DACH2: variants seen among roughly 807,000 people sequenced by gnomAD.
DACH2 encodes the protein dachshund family transcription factor 2.
A neutral mutation model predicts 35.8 loss-of-function variants in DACH2; 17 were observed. The observed-to-expected ratio is 0.48, with a 90% confidence interval of 0.33 to 0.71. DACH2 has a LOEUF of 0.71. DACH2 is among the 30% of genes least tolerant of loss of function. The pLI, the probability that DACH2 is intolerant of heterozygous loss-of-function variation, is 0.02. For missense variants in DACH2, 469 were observed against 472.7 expected, an observed-to-expected ratio of 0.99 and a Z score of 0.07; for synonymous variants, 195 against 177.3, an observed-to-expected ratio of 1.10 and a Z score of -0.79.
At chrX:86,176,033 G>T (rs1444132109) in intron 1 of DACH2, among the ~76,000 whole-genome samples, 1 of 111,715 alleles carries the variant, frequency 9.0e-6, no homozygotes, top group Non-Finnish European at 1.9e-5. Context: ...ACCACGTAAA[G>T]CTGTGTCAGT....
chrX:86,675,775 A>G (rs750050179), intron 4 of DACH2, among the ~76,000 whole-genome samples: 24 of 111,587 alleles, frequency 2.2e-4, no homozygotes, highest in Non-Finnish European at 4.1e-4. Flanking sequence ...ACTTAAAAGT[A>G]TACAATTTGT....
Position 86,341,466 on chromosome X carries a change from A to G in DACH2, c.489-35358A>G, listed in dbSNP as rs2035411173. 3.6e-5 allele frequency among the ~76,000 whole-genome samples: 4 copies of G among 112,264 alleles called. No individual in the cohort carries two copies. In the South Asian group the frequency reaches 1.5e-3, roughly 41 times the overall value. ...TTCAGGAAAAAAAAGGATTTCTTTC[A>G]ATATATTACTGTTCATTGACAAAGC... On this transcript the variant is annotated intron_variant, in intron 1 of 11. Transcript: ENST00000373125.
At chrX:86,437,952 G>A (rs929793248) in intron 2 of DACH2, among the ~76,000 whole-genome samples, 2 of 109,440 alleles carry the variant, frequency 1.8e-5, no homozygotes, top group African/African-American at 3.3e-5. Flanking sequence ...TGTCCTGGGG[G>A]TTTGTTGTAC....
rs1013420236 is a variant in DACH2 at position 86,651,167 on chromosome X, G to A, written c.772G>A (p.Gly258Ser). 1 of 1,203,432 alleles carries A rather than the reference G, an allele frequency of 8.3e-7. No homozygotes were observed. Among genetic ancestry groups the A allele is most frequent in the Non-Finnish European group, 1.1e-6 (1 of 892,562 alleles). The change falls in exon 4 of 12, where the codon GGT becomes AGT. Residue 258 changes from glycine (G) to serine (S), a missense_variant and splice_region_variant. Physicochemically the swap from Gly to Ser is moderately conservative, Grantham distance 56 (BLOSUM62 0). Around this residue, in one of 3 missense-constraint regions of DACH2, gnomAD observed 363 missense variants for 334.4 expected, o/e 1.09. Transcript: ENST00000373125. ...SEPDDLNSNT[G>S]GSESSWDKDK... The stretch of plus-strand genomic sequence containing the variant: ...GCCTGATGATCTTAATTCTAACACA[G>A]GTGAGTGTCTTCCAGAATCCCAGAC...
rs758548838 is a variant in DACH2, at chrX:86,376,467, C to T, written c.489-357C>T. On this transcript the variant is annotated intron_variant, in intron 1 of 11. Transcript: ENST00000373125. ...TTGCTGAATTTTTTTGGAATTGTTA[C>T]GACCCAAGGCCACTTTCTTCAACAG... Among the ~76,000 whole-genome samples, 13 of 110,305 alleles carry T rather than the reference C, an allele frequency of 1.2e-4. No individual in the cohort carries two copies. In the Admixed American group the frequency reaches 1.3e-3, roughly 11 times the overall value.
intron 3 of DACH2, among the ~76,000 whole-genome samples, chrX:86,638,954 C>A (rs928627647): frequency 2.7e-5 from 3 of 111,918 alleles, no homozygotes; most frequent in African/African-American, 9.8e-5. Context: ...AATATACCTA[C>A]ACTTATATGT....
chrX:86,573,790 G>C (rs984784633), intron 3 of DACH2, among the ~76,000 whole-genome samples: 1 of 111,424 alleles, frequency 9.0e-6, no homozygotes, highest in African/African-American at 3.3e-5. Context: ...CTGTCCAACT[G>C]TATGTCCTCA....
rs778014817 is a variant in DACH2 at position 86,604,966 on chromosome X, A to C, written c.641-46070A>C. Among the ~76,000 whole-genome samples the C allele has an allele frequency of 3.6e-3, 402 of 111,920 alleles. 1 individual carries two copies. Among genetic ancestry groups the C allele is most frequent in the Non-Finnish European group, 5.7e-3 (304 of 53,014 alleles). ...GCTCACAACCAGACAAAAGGATGGAATCTCAGTCCTATAGGTGATAAAAAC... is the reference window on the plus strand; with the variant it reads ...GCTCACAACCAGACAAAAGGATGGACTCTCAGTCCTATAGGTGATAAAAAC... On this transcript the variant is annotated intron_variant, in intron 3 of 11. Coordinates refer to ENST00000373125, the MANE Select transcript of DACH2 (RefSeq NM_053281.3).
At chrX:86,629,433 C>T (rs754727030) in intron 3 of DACH2, among the ~76,000 whole-genome samples, 1 of 111,306 alleles carries the variant, frequency 9.0e-6, no homozygotes, top group East Asian at 2.8e-4. Context: ...CACCCTAGGG[C>T]AGAGTGCAAC....
chrX:86,535,957 G>A (rs954900664), intron 3 of DACH2, among the ~76,000 whole-genome samples: 10 of 111,031 alleles, frequency 9.0e-5, no homozygotes, highest in African/African-American at 2.6e-4. Flanking sequence ...GCAGCGGCAC[G>A]GCAAAGGAGA....
chrX:86,693,283 G>A (rs777202677), intron 4 of DACH2, among the ~76,000 whole-genome samples: 1 of 112,128 alleles, frequency 8.9e-6, no homozygotes, highest in African/African-American at 3.2e-5. Context: ...ACCCCAACAA[G>A]TAACTGCTAA....
intron 1 of DACH2, among the ~76,000 whole-genome samples, chrX:86,220,641 C>G (rs1455186534): frequency 8.9e-6 from 1 of 111,918 alleles, no homozygotes; most frequent in Non-Finnish European, 1.9e-5. Context: ...TTTGGGTTGT[C>G]TTCGTGTTTT....
intron 2 of DACH2, among the ~76,000 whole-genome samples, chrX:86,385,962 T>C (rs1017648936): frequency 3.6e-5 from 4 of 111,755 alleles, no homozygotes; most frequent in South Asian, 7.4e-4. Context: ...CCGTAGCCAG[T>C]TTCCTCTGTT....
intron 7 of DACH2, among the ~76,000 whole-genome samples, chrX:86,763,691 A>T (rs1370346391): frequency 9.0e-6 from 1 of 111,263 alleles, no homozygotes; most frequent in African/African-American, 3.3e-5. Context: ...TGACCTCGTG[A>T]TCCACCTGCC....
In DACH2 at chrX:86,318,038, C is replaced by T. The variant is rs180738988; in HGVS notation, c.489-58786C>T. Among the ~76,000 whole-genome samples the T allele has an allele frequency of 2.5e-3, 276 of 111,974 alleles. 3 individuals carry two copies. Among genetic ancestry groups the T allele is most frequent in the African/African-American group, 7.5e-3 (232 of 30,841 alleles). On this transcript the variant is annotated intron_variant, in intron 1 of 11. Transcript: ENST00000373125. Reference sequence around the variant, plus strand: ...TTTCCAATTGTGTCCTGTTGCAAAACGAAATGGATTCTTATTGCACTGATG... The same window carrying T: ...TTTCCAATTGTGTCCTGTTGCAAAATGAAATGGATTCTTATTGCACTGATG...
chrX:86,162,162 G>A (rs1351533137), intron 1 of DACH2, among the ~76,000 whole-genome samples: 2 of 107,807 alleles, frequency 1.9e-5, no homozygotes, highest in Non-Finnish European at 3.8e-5. Context: ...CCTTTTTTTT[G>A]AGGTCTTTCT....
intron 3 of DACH2, among the ~76,000 whole-genome samples, chrX:86,599,913 A>G (rs1280479918): frequency 4.5e-5 from 5 of 111,621 alleles, no homozygotes; most frequent in African/African-American, 9.8e-5. Flanking sequence ...CACCTGTAAT[A>G]GAGCTACTAC....
At chrX:86,624,674 T>C (rs2040112572) in intron 3 of DACH2, among the ~76,000 whole-genome samples, 1 of 111,932 alleles carries the variant, frequency 8.9e-6, no homozygotes, top group Non-Finnish European at 1.9e-5. Context: ...GAAGAAATCA[T>C]TGAAATGAAA....
At chrX:86,195,127 C>T (rs1035695540) in intron 1 of DACH2, among the ~76,000 whole-genome samples, 1 of 112,808 alleles carries the variant, frequency 8.9e-6, no homozygotes, top group Non-Finnish European at 1.9e-5. Context: ...CCAGCATGTG[C>T]GTGTACAGGC....
Sources: allele counts gnomAD v4.1 joint callset (sites outside exome capture counted in the v4.1 genomes callset), GRCh38; gene constraint gnomAD v4.1.1; regional missense constraint gnomAD v4.1.1; transcripts MANE v1.5; gene names NCBI Gene and HGNC (gene_info 2026-07-23, HGNC 2026-07-21).